The following RPS6KC1 variants were observed in gnomAD, a reference collection of about 807,000 sequenced individuals.
RPS6KC1 encodes the protein inactive ribosomal protein S6 kinase delta-1.
In RPS6KC1, 54 loss-of-function variants were observed where a neutral mutation model predicts 103.8. That is an observed-to-expected ratio of 0.52 (90% CI 0.42 to 0.65). RPS6KC1 has a LOEUF of 0.65. Among genes scored for constraint, RPS6KC1 ranks in the 30% least tolerant of loss-of-function variants. The pLI is 0.00. For missense variants in RPS6KC1, 1,151 were observed against 1,253.8 expected, an observed-to-expected ratio of 0.92 and a Z score of 1.24; for synonymous variants, 439 against 438.7, an observed-to-expected ratio of 1.00 and a Z score of -0.01.
downstream of RPS6KC1, among the ~76,000 whole-genome samples, chr1:213,275,310 G>A (rs1179742816): frequency 2.6e-5 from 4 of 152,064 alleles, no homozygotes; most frequent in Admixed American, 6.5e-5. Flanking sequence ...ATTCAATTTT[G>A]TGTTTTATTT....
At chr1:213,638,076 C>A in the RPS6KC1 span, among the ~76,000 whole-genome samples, 1 of 152,060 alleles carries the variant, frequency 6.6e-6, no homozygotes, top group East Asian at 1.9e-4. Flanking sequence ...ACCTCAGCCT[C>A]CCAAAGTGCT....
At chr1:213,363,718 CTT>C in the RPS6KC1 span, among the ~76,000 whole-genome samples, 8 of 117,736 alleles carry the variant, frequency 6.8e-5, no homozygotes, top group African/African-American at 3.0e-4. Flanking sequence ...TTCTTTCTTT[CTT>C]TCTTTCGTTC....
chr1:213,352,393 G>C, the RPS6KC1 span, among the ~76,000 whole-genome samples: 18 of 152,072 alleles, frequency 1.2e-4, no homozygotes, highest in Admixed American at 1.0e-3. Flanking sequence ...TGCAAATGAT[G>C]AAAAATTAAA....
At chr1:213,724,597 G>T in the RPS6KC1 span, among the ~76,000 whole-genome samples, 2 of 152,120 alleles carry the variant, frequency 1.3e-5, no homozygotes, top group Non-Finnish European at 2.9e-5. Flanking sequence ...TTATCCTCAT[G>T]AACAAAAGCC....
At chr1:213,777,595 A>T in the RPS6KC1 span, among the ~76,000 whole-genome samples, 1 of 152,346 alleles carries the variant, frequency 6.6e-6, no homozygotes, top group East Asian at 1.9e-4. Flanking sequence ...TGGCACCAAT[A>T]TTCTTGCTTA....
At chr1:213,365,186 C>T in the RPS6KC1 span, among the ~76,000 whole-genome samples, 8 of 152,344 alleles carry the variant, frequency 5.3e-5, no homozygotes, top group South Asian at 1.7e-3. Context: ...AGACGGTATG[C>T]ATTGTGTAAT....
At chr1:213,265,001 A>G (rs1174007360) in intron 14 of RPS6KC1, among the ~76,000 whole-genome samples, 1 of 152,238 alleles carries the variant, frequency 6.6e-6, no homozygotes, top group Non-Finnish European at 1.5e-5. Flanking sequence ...TTTAGCATGT[A>G]CATTAGTTAA....
chr1:213,293,738 T>C, the RPS6KC1 span, among the ~76,000 whole-genome samples: 1 of 151,240 alleles, frequency 6.6e-6, no homozygotes, highest in African/African-American at 2.5e-5. Flanking sequence ...GGTGCCTTCT[T>C]GGAAAATATC....
chr1:213,570,277 A>G, the RPS6KC1 span, among the ~76,000 whole-genome samples: 4 of 152,184 alleles, frequency 2.6e-5, no homozygotes, highest in Non-Finnish European at 5.9e-5. Flanking sequence ...TATTGTAAAG[A>G]TTAAGTGAGA....
chr1:213,525,583 C>T, the RPS6KC1 span, among the ~76,000 whole-genome samples: 1 of 152,102 alleles, frequency 6.6e-6, no homozygotes, highest in Admixed American at 6.5e-5. Flanking sequence ...CCCAAGGTAG[C>T]CTTCAGACTC....
the RPS6KC1 span, among the ~76,000 whole-genome samples, chr1:213,286,504 A>G: frequency 1.3e-5 from 2 of 152,224 alleles, no homozygotes; most frequent in Non-Finnish European, 2.9e-5. Context: ...ATTTAAATGC[A>G]CAACTTGACA....
At chr1:213,476,708 A>T in the RPS6KC1 span, among the ~76,000 whole-genome samples, 7,643 of 152,266 alleles carry the variant, frequency 0.05, 626 homozygotes, top group African/African-American at 0.17. Context: ...GAGGACTTCT[A>T]TGGTGTTGGA....
chr1:213,726,240 T>A, the RPS6KC1 span, among the ~76,000 whole-genome samples: 1 of 152,152 alleles, frequency 6.6e-6, no homozygotes, highest in African/African-American at 2.4e-5. Flanking sequence ...TGCACGCTAC[T>A]ACATCTGGCT....
At chr1:213,291,806 GTA>G in the RPS6KC1 span, among the ~76,000 whole-genome samples, 15 of 152,322 alleles carry the variant, frequency 9.8e-5, 1 homozygote, top group African/African-American at 3.4e-4. Flanking sequence ...CTTCTGATTA[GTA>G]ACCCAGCTTC....
At chr1:213,079,551 G>A (rs1413249409) in intron 3 of RPS6KC1, among the ~76,000 whole-genome samples, 1 of 152,010 alleles carries the variant, frequency 6.6e-6, no homozygotes, top group Admixed American at 6.6e-5. Context: ...CCAGGTAGCT[G>A]GGACCATAGG....
chr1:213,763,887 T>C, the RPS6KC1 span, among the ~76,000 whole-genome samples: 1 of 152,226 alleles, frequency 6.6e-6, no homozygotes, highest in African/African-American at 2.4e-5. Context: ...ATGCTTTATT[T>C]ATGTGAATTT....
At chr1:213,346,741 A>G in the RPS6KC1 span, among the ~76,000 whole-genome samples, 3 of 152,196 alleles carry the variant, frequency 2.0e-5, no homozygotes, top group African/African-American at 7.2e-5. Flanking sequence ...TGCACATGTA[A>G]GTATGCAGTG....
chr1:213,061,867 G>A (rs557965560), intron 1 of RPS6KC1, among the ~76,000 whole-genome samples: 1 of 152,262 alleles, frequency 6.6e-6, no homozygotes, highest in South Asian at 2.1e-4. Context: ...TTGACACTTA[G>A]TGTAATTACT....
the RPS6KC1 span, among the ~76,000 whole-genome samples, chr1:213,443,830 A>G: frequency 6.6e-6 from 1 of 152,048 alleles, no homozygotes; most frequent in Admixed American, 6.6e-5. Context: ...AGGTGGGAGG[A>G]TCACCTGAAA....
Sources: allele counts gnomAD v4.1 joint callset (sites outside exome capture counted in the v4.1 genomes callset), GRCh38; gene constraint gnomAD v4.1.1; transcripts MANE v1.5; gene names NCBI Gene and HGNC (gene_info 2026-07-23, HGNC 2026-07-21).